The following PAFAH2 variants were observed in gnomAD, a reference collection of about 807,000 sequenced individuals.
PAFAH2 encodes the protein platelet activating factor acetylhydrolase 2.
Under a neutral mutation model 49.0 loss-of-function variants are expected in PAFAH2, and 42 were observed. That is an observed-to-expected ratio of 0.86 (90% CI 0.67 to 1.11). The LOEUF (loss-of-function observed/expected upper bound fraction) is 1.11, where lower values mean the gene tolerates loss of function less well. Ranked by LOEUF, PAFAH2 falls within the 50% of genes least tolerant of loss-of-function variation. PAFAH2 has a pLI of 0.00. For missense variants in PAFAH2, 503 were observed against 501.8 expected (o/e 1.00, Z -0.02); for synonymous variants, 184 against 181.3 (o/e 1.01, Z -0.12).
intron 9 of PAFAH2, among the ~76,000 whole-genome samples, chr1:25,973,838 G>A (rs115412069): frequency 0.011 from 1,650 of 152,296 alleles, 33 homozygotes; most frequent in African/African-American, 0.038. Flanking sequence ...CAACTGCAGG[G>A]CAGGAGCAGT....
intron 2 of PAFAH2, 38 bp from the exon 3 acceptor site, chr1:25,989,639 GC>G: frequency 7.0e-7 from 1 of 1,419,928 alleles, no homozygotes; most frequent in Non-Finnish European, 9.3e-7. Flanking sequence ...AGAGCAAGGA[GC>G]CCAGGCTAGA....
At position 25,961,777 on chromosome 1, in the gene PAFAH2, T is replaced by C. The variant is rs2049341359; in HGVS notation, c.*212A>G. ...TCCATCAAGGTCCCAGAAAGTCTGTTTGTCAATCAGCAAGGGATCCCAGTC... is the reference window on the plus strand; with the variant it reads ...TCCATCAAGGTCCCAGAAAGTCTGTCTGTCAATCAGCAAGGGATCCCAGTC... On this transcript the variant is annotated 3_prime_UTR_variant, in exon 11 of 11. Coordinates refer to ENST00000374282, the MANE Select transcript of PAFAH2 (RefSeq NM_000437.4). The C allele has an allele frequency of 2.1e-6, 1 of 475,260 alleles. No individual in the cohort carries two copies. The highest frequency in any genetic ancestry group is 3.7e-6 in the Non-Finnish European group (1 of 266,764). The allele number at this position is 475,260 out of a possible 1,614,324, so 29.4% of individuals were successfully genotyped here. A position where few individuals can be genotyped will look rare whatever the true frequency, so the allele number is the denominator to read the frequency against.
chr1:25,971,370 C>A (rs1557515396), intron 10 of PAFAH2, among the ~76,000 whole-genome samples: 1 of 151,736 alleles, frequency 6.6e-6, no homozygotes, highest in South Asian at 2.1e-4. Flanking sequence ...CAAAGAAATC[C>A]AAAAAAATAT....
At chr1:25,982,280 C>T (rs960453459) in intron 7 of PAFAH2, 84 bp downstream of exon 7, 2 of 976,650 alleles carry the variant, frequency 2.0e-6, no homozygotes, top group Non-Finnish European at 3.3e-6. Flanking sequence ...TCTTTTGGTT[C>T]ATACCAGTTA....
rs766955894 is a variant in PAFAH2 at position 25,972,649 on chromosome 1, G to C, written c.993C>G (p.Phe331Leu). 6.2e-7 allele frequency: 1 copy of C among 1,613,926 alleles called. No individual in the cohort carries two copies. Among genetic ancestry groups the C allele is most frequent in the Non-Finnish European group, 8.5e-7 (1 of 1,179,840 alleles). The change falls in exon 10 of 11, where the codon TTC (phenylalanine) becomes TTG (leucine). Residue 331 changes from phenylalanine to leucine, a missense_variant. By Grantham distance (22) the Phe-to-Leu change is conservative. Transcript: ENST00000374282. ...GGCTCCCACGGGTTTCAGTGGAGAA[G>C]AATTTACCAATCAAGTTGCCAGTCA... ...AFVTGNLIGKFFSTETRGSLD... is the reference protein window; with the variant it reads ...AFVTGNLIGKLFSTETRGSLD...
At chr1:25,972,851 T>C in intron 9 of PAFAH2, 139 bp from the exon 10 acceptor site, 2 of 857,294 alleles carry the variant, frequency 2.3e-6, no homozygotes, top group East Asian at 2.7e-5. Context: ...GGAAGTATTT[T>C]CCCCCTTGAC....
chr1:25,980,814 T>C (rs1011827681), intron 7 of PAFAH2, among the ~76,000 whole-genome samples: 2 of 151,694 alleles, frequency 1.3e-5, no homozygotes, highest in African/African-American at 2.4e-5. Flanking sequence ...GCCCAAGAGT[T>C]TGAGATCAGC....
intron 2 of PAFAH2, 63 bp downstream of exon 2, chr1:25,990,664 T>C: frequency 7.5e-7 from 1 of 1,333,170 alleles, no homozygotes; most frequent in Admixed American, 1.7e-5. Context: ...AGACTTGTGA[T>C]CAGTAAGTCA....
At chr1:25,978,349 T>C (rs2049628262) in intron 7 of PAFAH2, among the ~76,000 whole-genome samples, 1 of 152,302 alleles carries the variant, frequency 6.6e-6, no homozygotes, top group East Asian at 1.9e-4. Flanking sequence ...CCTAAGGAGA[T>C]TGCTTATATT....
chr1:25,987,988 A>G (rs1347153692), intron 4 of PAFAH2, among the ~76,000 whole-genome samples: 1 of 152,282 alleles, frequency 6.6e-6, no homozygotes, highest in Non-Finnish European at 1.5e-5. Flanking sequence ...GTGTTTATTT[A>G]TATAAATGCT....
chr1:25,983,891 T>A, intron 6 of PAFAH2, 55 bp downstream of exon 6: 1 of 1,585,176 alleles, frequency 6.3e-7, no homozygotes, highest in Non-Finnish European at 8.7e-7. Flanking sequence ...CTATCAAATA[T>A]AGTAGGGAGA....
intron 10 of PAFAH2, among the ~76,000 whole-genome samples, chr1:25,969,066 A>G (rs2049469534): frequency 6.6e-6 from 1 of 152,148 alleles, no homozygotes; most frequent in Non-Finnish European, 1.5e-5. Flanking sequence ...CAGCCTGTGG[A>G]ATAACATTCA....
In PAFAH2 at chr1:25,979,828, G is replaced by A. The variant is rs536278968; in HGVS notation, c.666+2536C>T. On this transcript the variant is annotated intron_variant, in intron 7 of 10. Coordinates refer to ENST00000374282, the MANE Select transcript of PAFAH2 (RefSeq NM_000437.4). ...TTTAGTAGAAATGGGGTTTCGCCAC[G>A]TTGGCCAGGCTGGTATCGAACTCCT... Among the ~76,000 whole-genome samples, 7 of 152,296 alleles carry A rather than the reference G, an allele frequency of 4.6e-5. No homozygotes were observed. The South Asian group carries it at 6.2e-4, about 14-fold the overall frequency.
intron 2 of PAFAH2, 68 bp downstream of exon 2, chr1:25,990,659 T>A: frequency 2.3e-6 from 3 of 1,309,238 alleles, no homozygotes; most frequent in Non-Finnish European, 3.3e-6. Flanking sequence ...GGATCAGACT[T>A]GTGATCAGTA....
intron 1 of PAFAH2, among the ~76,000 whole-genome samples, chr1:25,995,655 G>A (rs972092404): frequency 5.3e-5 from 8 of 152,160 alleles, no homozygotes; most frequent in Admixed American, 4.6e-4. Flanking sequence ...CCACCCAGAA[G>A]CATGTTCCTA....
At chr1:25,997,166 T>G (rs1409876923) in intron 1 of PAFAH2, among the ~76,000 whole-genome samples, 2 of 152,170 alleles carry the variant, frequency 1.3e-5, no homozygotes, top group African/African-American at 4.8e-5. Flanking sequence ...CTCTTGTGCT[T>G]CCTTTCAGAC....
In PAFAH2 at chr1:25,988,220, G is replaced by T. The variant is rs777003761; in HGVS notation, c.341+11C>A. On this transcript the variant is annotated intron_variant, in intron 4 of 10. Transcript: ENST00000374282. ...GGAGTATGGCAAGGTCTGGGGGAAAGAAGCTCTTACCTGAAGGCTCCTAGG... is the reference window on the plus strand; with the variant it reads ...GGAGTATGGCAAGGTCTGGGGGAAATAAGCTCTTACCTGAAGGCTCCTAGG... The T allele has an allele frequency of 1.1e-5, 17 of 1,570,510 alleles. No homozygotes were observed. The highest frequency in any genetic ancestry group is 1.5e-5 in the Non-Finnish European group (17 of 1,152,370).
intron 9 of PAFAH2, 51 bp downstream of exon 9, chr1:25,974,429 C>A: frequency 6.8e-7 from 1 of 1,471,010 alleles, no homozygotes; most frequent in Non-Finnish European, 9.1e-7. Flanking sequence ...GGCACCACAG[C>A]AAGTGGCAAA....
chr1:25,973,590 C>G (rs75533496), intron 9 of PAFAH2, among the ~76,000 whole-genome samples: 4,735 of 152,256 alleles, frequency 0.031, 104 homozygotes, highest in Non-Finnish European at 0.051. Context: ...AGCATTCAGG[C>G]AGTGTCTACT....
Sources: gnomAD v4.1 joint callset for allele counts (sites outside exome capture counted in the v4.1 genomes callset) on GRCh38, gnomAD v4.1.1 for gene constraint, MANE v1.5 for transcripts, NCBI Gene and HGNC (gene_info 2026-07-23, HGNC 2026-07-21) for gene names.